PRKCZ: variants seen among roughly 807,000 people sequenced by gnomAD.
The protein encoded by PRKCZ is protein kinase C zeta type.
A neutral mutation model predicts 79.5 loss-of-function variants in PRKCZ; 33 were observed. That is an observed-to-expected ratio of 0.41 (90% CI 0.31 to 0.55). The LOEUF (loss-of-function observed/expected upper bound fraction) is 0.55. PRKCZ is among the 20% of genes least tolerant of loss of function. PRKCZ has a pLI of 0.19. For missense variants in PRKCZ, 578 were observed against 813.5 expected, an observed-to-expected ratio of 0.71 and a Z score of 3.52; for synonymous variants, 342 against 320.9, an observed-to-expected ratio of 1.07 and a Z score of -0.70.
At position 2,177,945 on chromosome 1, in the gene PRKCZ, C is replaced by T. The variant is rs1291815864; in HGVS notation, c.1575+2632C>T. Among the ~76,000 whole-genome samples the T allele has an allele frequency of 6.6e-6, 1 of 152,230 alleles. No homozygotes were observed. Among genetic ancestry groups the T allele is most frequent in the Non-Finnish European group, 1.5e-5 (1 of 68,042 alleles). On this transcript the variant is annotated intron_variant, in intron 16 of 17. Transcript: ENST00000378567. The surrounding 1 kb of genome is among the most constrained non-coding windows in gnomAD (Gnocchi z 6.4). ...CTGCCACCGACCGCCGACCCTGCCT[C>T]TGCCGTTTCCTTGCCACCCATCAGC...
At chr1:2,050,347 C>T (rs551529408), upstream of PRKCZ, 44 of 162,656 alleles carry the variant, frequency 2.7e-4, 1 homozygote, top group Middle Eastern at 5.7e-3. Flanking sequence ...GCCGCAGGTG[C>T]CACCGCCCGC....
rs555606554 is a variant in PRKCZ at position 2,096,280 on chromosome 1, C to T, written c.334+36689C>T. On this transcript the variant is annotated intron_variant, in intron 4 of 17. Transcript: ENST00000378567. Reference sequence around the variant, plus strand: ...CCTGGGAGGCGCACGGCAGCATGATCGGTCCCTGAGTGTCACGGCAGCATC... The same window carrying T: ...CCTGGGAGGCGCACGGCAGCATGATTGGTCCCTGAGTGTCACGGCAGCATC... 1.2e-4 allele frequency among the ~76,000 whole-genome samples: 18 copies of T among 151,978 alleles called. No individual in the cohort carries two copies. In the East Asian group the frequency reaches 3.1e-3, roughly 26 times the overall value.
At chr1:2,179,118 C>T (rs1215251466) in intron 16 of PRKCZ, among the ~76,000 whole-genome samples, 2 of 152,228 alleles carry the variant, frequency 1.3e-5, no homozygotes, top group African/African-American at 2.4e-5. Flanking sequence ...CAGGCAGATC[C>T]ACCTGCCTTG....
intron 4 of PRKCZ, among the ~76,000 whole-genome samples, chr1:2,116,959 G>A (rs541303142): frequency 1.1e-4 from 16 of 152,176 alleles, no homozygotes; most frequent in African/African-American, 3.9e-4. Flanking sequence ...TGGCAGGGGA[G>A]TTGCGGGGGG....
At position 2,057,850 on chromosome 1, in the gene PRKCZ, A is replaced by T. The variant is rs1268624910; in HGVS notation, c.283+1277A>T. 2.7e-5 allele frequency among the ~76,000 whole-genome samples: 4 copies of T among 149,882 alleles called. No homozygotes were observed. The East Asian group carries it at 7.8e-4, about 29-fold the overall frequency. Reference sequence around the variant, plus strand: ...CTCCCGAGTAGCTGGGACTACAGGCATGTGCCACCACACTTGGCTAATTTT... The same window carrying T: ...CTCCCGAGTAGCTGGGACTACAGGCTTGTGCCACCACACTTGGCTAATTTT... On this transcript the variant is annotated intron_variant, in intron 3 of 17. Transcript: ENST00000378567.
intron 4 of PRKCZ, among the ~76,000 whole-genome samples, chr1:2,076,989 A>T (rs925291889): frequency 6.6e-6 from 1 of 152,184 alleles, no homozygotes; most frequent in Non-Finnish European, 1.5e-5. Context: ...AGGCAGAACC[A>T]GTGATTCCAC....
At chr1:2,057,678 C>T (rs879832708) in intron 3 of PRKCZ, among the ~76,000 whole-genome samples, 1 of 151,826 alleles carries the variant, frequency 6.6e-6, no homozygotes, top group African/African-American at 2.4e-5. Context: ...CCAACCTGGG[C>T]AACATAGTGA....
rs1673792752 is a variant in PRKCZ at position 2,125,953 on chromosome 1, G to A, written c.335-9309G>A. Among the ~76,000 whole-genome samples, 1 of 152,236 alleles carries A rather than the reference G, an allele frequency of 6.6e-6. No individual in the cohort carries two copies. The highest frequency in any genetic ancestry group is 1.5e-5 in the Non-Finnish European group (1 of 68,032). On this transcript the variant is annotated intron_variant, in intron 4 of 17. Coordinates refer to ENST00000378567, the MANE Select transcript of PRKCZ (RefSeq NM_002744.6). This position sits in a 1 kb window ranked among gnomAD's most constrained non-coding sequence, Gnocchi z 4.2. ...CCGGGGGTCCATATTGGCCACTGTG[G>A]GAGAGAGTCGGGCAGCTGAATTCCC...
At chr1:2,179,144 G>A (rs889126168) in intron 16 of PRKCZ, among the ~76,000 whole-genome samples, 1 of 152,258 alleles carries the variant, frequency 6.6e-6, no homozygotes, top group African/African-American at 2.4e-5. Context: ...GCACTGGGAG[G>A]TGGCGCTCAT....
chr1:2,067,584 G>A (rs1207224447), intron 4 of PRKCZ, among the ~76,000 whole-genome samples: 1 of 152,120 alleles, frequency 6.6e-6, no homozygotes, highest in East Asian at 1.9e-4. Context: ...GGGTCTGTGG[G>A]CTCCACCTGC....
At chr1:2,069,773 G>A (rs1452061572) in intron 4 of PRKCZ, among the ~76,000 whole-genome samples, 1 of 152,170 alleles carries the variant, frequency 6.6e-6, no homozygotes, top group African/African-American at 2.4e-5. Context: ...AGGGAGGGGT[G>A]GATGCTATAG....
intron 5 of PRKCZ, among the ~76,000 whole-genome samples, chr1:2,135,666 C>G (rs751561389): frequency 6.6e-6 from 1 of 152,226 alleles, no homozygotes; most frequent in African/African-American, 2.4e-5. Context: ...CAGAGTGGGG[C>G]GGCCGCATTC....
In PRKCZ at chr1:2,137,463, G is replaced by A. The variant is rs975108985; in HGVS notation, c.420+2116G>A. Reference sequence around the variant, plus strand: ...TTCAACCCAGTCAAGTCGGCGCCTGGTGTGACCCATTACAGTGCCGCAGGG... The same window carrying A: ...TTCAACCCAGTCAAGTCGGCGCCTGATGTGACCCATTACAGTGCCGCAGGG... On this transcript the variant is annotated intron_variant, in intron 5 of 17. Coordinates refer to ENST00000378567, the MANE Select transcript of PRKCZ (RefSeq NM_002744.6). Among the ~76,000 whole-genome samples the A allele has an allele frequency of 5.3e-5, 8 of 152,200 alleles. 1 individual carries two copies. Among genetic ancestry groups the A allele is most frequent in the Admixed American group, 4.6e-4 (7 of 15,268 alleles).
chr1:2,058,903 CA>C (rs961264289), intron 3 of PRKCZ, among the ~76,000 whole-genome samples: 8 of 151,884 alleles, frequency 5.3e-5, no homozygotes, highest in Admixed American at 5.2e-4. Context: ...TGAAAAAAAC[CA>C]ACAAAAAACA....
intron 4 of PRKCZ, among the ~76,000 whole-genome samples, chr1:2,101,254 C>T: frequency 6.6e-6 from 1 of 152,136 alleles, no homozygotes; most frequent in East Asian, 1.9e-4. Flanking sequence ...TATTTGGTTA[C>T]TAAAGCTGTC....
At chr1:2,158,971 G>C (rs1006458398) in intron 10 of PRKCZ, among the ~76,000 whole-genome samples, 33 of 152,072 alleles carry the variant, frequency 2.2e-4, no homozygotes, top group Non-Finnish European at 4.0e-4. Context: ...TGTCACCCAG[G>C]CTGGAGTGCA....
At chr1:2,102,589 C>G (rs1667670510) in intron 4 of PRKCZ, among the ~76,000 whole-genome samples, 1 of 152,156 alleles carries the variant, frequency 6.6e-6, no homozygotes, top group South Asian at 2.1e-4. Context: ...GCCTTGGCCT[C>G]CCAAAGTGCT....
At chr1:2,183,279 C>T (rs1342466006) in intron 16 of PRKCZ, among the ~76,000 whole-genome samples, 1 of 151,566 alleles carries the variant, frequency 6.6e-6, no homozygotes, top group Non-Finnish European at 1.5e-5. Flanking sequence ...GCCTGTAGTC[C>T]CGGCTACTCA....
chr1:2,110,096 C>T (rs1222165367), intron 4 of PRKCZ, among the ~76,000 whole-genome samples: 1 of 139,552 alleles, frequency 7.2e-6, no homozygotes, highest in Admixed American at 7.2e-5. Flanking sequence ...AGGTGAGACA[C>T]AGAACGGCCA....
Sources: allele counts gnomAD v4.1 joint callset (sites outside exome capture counted in the v4.1 genomes callset), GRCh38; gene constraint gnomAD v4.1.1; non-coding constraint Gnocchi (gnomAD v3.1); transcripts MANE v1.5; gene names NCBI Gene and HGNC (gene_info 2026-07-23, HGNC 2026-07-21).